Variants in SHMT1 observed in about 807,000 individuals in gnomAD.
The protein encoded by SHMT1 is serine hydroxymethyltransferase 1.
A neutral mutation model predicts 49.0 loss-of-function variants in SHMT1; 45 were observed. That is an observed-to-expected ratio of 0.92 (90% CI 0.72 to 1.18). The LOEUF (loss-of-function observed/expected upper bound fraction) is 1.18. SHMT1 is among the 50% of genes most tolerant of loss of function. SHMT1 has a pLI of 0.00. For synonymous variants in SHMT1, 232 were observed against 246.6 expected (o/e 0.94, Z 0.55); for missense variants, 541 against 612.4 (o/e 0.88, Z 1.23).
At position 18,344,577 on chromosome 17, in the gene SHMT1, G is replaced by GAAAAAAAAAAAAAAAAAA. The variant is rs10655994; in HGVS notation, c.519+2901_519+2918dup. On this transcript the variant is annotated intron_variant, in intron 5 of 11. Transcript: ENST00000316694. Reference sequence around the variant, plus strand: ...ATTTTTTGTGTAGCCACAATTACCGGAAAAAAAAAAAAAAAAAAAAAAGCC... The same window carrying GAAAAAAAAAAAAAAAAAA: ...ATTTTTTGTGTAGCCACAATTACCGGAAAAAAAAAAAAAAAAAAAAAAAAAAAAAAAAAAAAAAAAGCC... Among the ~76,000 whole-genome samples the GAAAAAAAAAAAAAAAAAA allele has an allele frequency of 1.5e-4, 10 of 65,392 alleles. 1 individual carries two copies. The highest frequency in any genetic ancestry group is 4.8e-4 in the African/African-American group (8 of 16,768). The allele number at this position is 65,392 out of a possible 152,430, so 42.9% of individuals were successfully genotyped here. A position where few individuals can be genotyped will look rare whatever the true frequency, so the allele number is the denominator to read the frequency against.
At position 18,328,169 on chromosome 17, in the gene SHMT1, C is replaced by G. The variant is rs1982767277; in HGVS notation, c.*581G>C. On this transcript the variant is annotated 3_prime_UTR_variant, in exon 12 of 12. Transcript: ENST00000316694. ...GACTTCCCAGGATGGAGGGAGGAGG[C>G]CATTTCTACACCATACTTTGAGCTA... 1 of 155,430 alleles carries G rather than the reference C, an allele frequency of 6.4e-6. No individual in the cohort carries two copies. The highest frequency in any genetic ancestry group is 1.4e-5 in the Non-Finnish European group (1 of 70,096). 9.6% of individuals were successfully genotyped at this position (155,430 alleles called of 1,614,324 possible).
At chr17:18,347,745 G>C in intron 4 of SHMT1, 89 bp from the exon 5 acceptor site, 1 of 1,457,932 alleles carries the variant, frequency 6.9e-7, no homozygotes, top group Non-Finnish European at 9.6e-7. Context: ...CCTTCACCCA[G>C]GAGTGGCGAG....
intron 9 of SHMT1, 129 bp from the exon 10 acceptor site, chr17:18,330,800 T>A: frequency 1.4e-6 from 1 of 713,496 alleles, no homozygotes; most frequent in Admixed American, 2.0e-5. Context: ...CCCCACCACA[T>A]GGCCTGGGAT....
intron 5 of SHMT1, among the ~76,000 whole-genome samples, chr17:18,343,947 G>T (rs1287301080): frequency 6.6e-6 from 1 of 151,452 alleles, no homozygotes; most frequent in Non-Finnish European, 1.5e-5. Flanking sequence ...AAAAGTCATG[G>T]GTAAGCACAC....
intron 7 of SHMT1, among the ~76,000 whole-genome samples, chr17:18,337,838 T>C (rs1983990034): frequency 6.6e-6 from 1 of 152,150 alleles, no homozygotes; most frequent in South Asian, 2.1e-4. Flanking sequence ...CCTCCCGAGG[T>C]GCCGGGATTG....
At chr17:18,352,259 G>GCC (rs1985796968) in intron 3 of SHMT1, among the ~76,000 whole-genome samples, 1 of 149,338 alleles carries the variant, frequency 6.7e-6, no homozygotes, top group South Asian at 2.1e-4. Context: ...CCATTCTCCT[G>GCC]CATCAGCCTC....
At position 18,330,055 on chromosome 17, in the gene SHMT1, C is replaced by G. The variant is rs1983024180; in HGVS notation, c.1171+500G>C. On this transcript the variant is annotated intron_variant, in intron 10 of 11. Coordinates refer to ENST00000316694, the MANE Select transcript of SHMT1 (RefSeq NM_004169.5). ...AGAGACAGGGTTTCACCGCGTTAGC[C>G]TTCTCAATCTCCTGACCTCGTGATC... Among the ~76,000 whole-genome samples the G allele has an allele frequency of 2.0e-5, 3 of 151,906 alleles. No homozygotes were observed. In the South Asian group the frequency reaches 6.2e-4, roughly 31 times the overall value.
At chr17:18,344,992 C>T (rs1056714381) in intron 5 of SHMT1, among the ~76,000 whole-genome samples, 13 of 152,134 alleles carry the variant, frequency 8.5e-5, no homozygotes, top group East Asian at 5.8e-4. Context: ...CTCTGCAGCC[C>T]GGTGGGGTGG....
rs550039160 is a variant in SHMT1 at position 18,334,183 on chromosome 17, C to T, written c.932-895G>A. 3.3e-5 allele frequency among the ~76,000 whole-genome samples: 5 copies of T among 152,338 alleles called. No individual in the cohort carries two copies. In the South Asian group the frequency reaches 1.0e-3, roughly 32 times the overall value. ...TCTGGAACTCCTGACCTCAAGTGAT[C>T]TGTCCATCTCGGCCTCCCAAAGTGC... On this transcript the variant is annotated intron_variant, in intron 8 of 11. Transcript: ENST00000316694.
chr17:18,349,662 T>C, intron 3 of SHMT1, among the ~76,000 whole-genome samples: 1 of 152,102 alleles, frequency 6.6e-6, no homozygotes. Context: ...GAGATTGCAG[T>C]GAGCTTTGAT....
At chr17:18,339,237 T>C (rs1232733361) in intron 7 of SHMT1, among the ~76,000 whole-genome samples, 1 of 152,030 alleles carries the variant, frequency 6.6e-6, no homozygotes, top group East Asian at 1.9e-4. Context: ...TATGAGGTAA[T>C]GGAAAGAAAA....
chr17:18,340,379 G>T lies in SHMT1; in HGVS notation c.602-124C>A. ...AGATTTCTTCCCTTAAAGTCTCAGAGCAAAAATGGAGAATGCCCTCAAAAA... is the reference window on the plus strand; with the variant it reads ...AGATTTCTTCCCTTAAAGTCTCAGATCAAAAATGGAGAATGCCCTCAAAAA... On this transcript the variant is annotated intron_variant, in intron 6 of 11. Transcript: ENST00000316694. This position sits in a 1 kb window ranked among gnomAD's most constrained non-coding sequence, Gnocchi z 4.5. 1.9e-6 allele frequency: 2 copies of T among 1,056,000 alleles called. No individual in the cohort carries two copies. Among genetic ancestry groups the T allele is most frequent in the East Asian group, 2.5e-5 (1 of 39,244 alleles). 65.4% of individuals were successfully genotyped at this position (1,056,000 alleles called of 1,614,324 possible).
intron 3 of SHMT1, among the ~76,000 whole-genome samples, chr17:18,352,074 A>G (rs1985767136): frequency 6.6e-6 from 1 of 150,944 alleles, no homozygotes; most frequent in South Asian, 2.1e-4. Context: ...TCAAATTCCT[A>G]GCCTCAAATG....
chr17:18,351,436 A>G (rs78822685), intron 3 of SHMT1, among the ~76,000 whole-genome samples: 16,495 of 149,484 alleles, frequency 0.11, 996 homozygotes, highest in South Asian at 0.2. Context: ...ATGAGCCACC[A>G]CGCCCAGCCA....
chr17:18,347,401 G>A (rs1985194279), intron 5 of SHMT1, 95 bp downstream of exon 5: 3 of 1,387,684 alleles, frequency 2.2e-6, no homozygotes, highest in African/African-American at 1.4e-5. Context: ...GGGACTTCCT[G>A]TAGTGACACA....
chr17:18,338,462 G>A (rs1475299083), intron 7 of SHMT1, among the ~76,000 whole-genome samples: 2 of 136,758 alleles, frequency 1.5e-5, no homozygotes, highest in African/African-American at 2.6e-5. Context: ...GCCTCTGCCC[G>A]GCCGCCCCTT....
intron 3 of SHMT1, among the ~76,000 whole-genome samples, chr17:18,353,102 T>C (rs1985886632): frequency 6.6e-6 from 1 of 152,180 alleles, no homozygotes; most frequent in Admixed American, 6.6e-5. Context: ...GGGACAAAAA[T>C]GCACACATTT....
rs149531648 is a variant in SHMT1 at position 18,361,140 on chromosome 17, T to C, written c.-20+2232A>G. Among the ~76,000 whole-genome samples, 338 of 151,670 alleles carry C rather than the reference T, an allele frequency of 2.2e-3. 6 individuals are homozygous for C. The East Asian group carries it at 0.031, about 14-fold the overall frequency. On this transcript the variant is annotated intron_variant, in intron 1 of 11. Transcript: ENST00000316694. Reference sequence around the variant, plus strand: ...GACCAACACGGTAAAACTCCATCTCTACTAAAAATACAAAAATGAGCTGGG... The same window carrying C: ...GACCAACACGGTAAAACTCCATCTCCACTAAAAATACAAAAATGAGCTGGG...
At chr17:18,339,910 A>T in intron 7 of SHMT1, 133 bp downstream of exon 7, 2 of 923,580 alleles carry the variant, frequency 2.2e-6, no homozygotes, top group Non-Finnish European at 3.4e-6. Context: ...GCAGCTCTTT[A>T]AGGGACTGGG....
Sources: gnomAD v4.1 joint callset for allele counts (sites outside exome capture counted in the v4.1 genomes callset) on GRCh38, gnomAD v4.1.1 for gene constraint, Gnocchi (gnomAD v3.1) non-coding constraint, MANE v1.5 for transcripts, NCBI Gene and HGNC (gene_info 2026-07-23, HGNC 2026-07-21) for gene names.